SORCS2: variants seen among roughly 807,000 people sequenced by gnomAD.
SORCS2 encodes VPS10 domain-containing receptor SorCS2.
Under a neutral mutation model 141.6 loss-of-function variants are expected in SORCS2, and 100 were observed. The ratio of observed to expected loss-of-function variants is 0.71; its 90% CI spans 0.60 to 0.83. SORCS2 has a LOEUF of 0.83. Among genes scored for constraint, SORCS2 ranks in the 40% least tolerant of loss-of-function variants. The probability of loss-of-function intolerance (pLI) is 0.00; values close to 1 mark genes in which losing one functional copy is unlikely to be tolerated. For missense variants in SORCS2, 1,646 were observed against 1,560.2 expected (o/e 1.05, Z -0.93); for synonymous variants, 789 against 676.9 (o/e 1.17, Z -2.57).
Position 7,536,401 on chromosome 4 carries a change from T to C in SORCS2, c.648+4772T>C, listed in dbSNP as rs149616558. 1.5e-3 allele frequency among the ~76,000 whole-genome samples: 223 copies of C among 152,338 alleles called. 3 individuals carry two copies. The highest frequency in any genetic ancestry group is 4.6e-3 in the African/African-American group (191 of 41,572). ...AATGCATTTAGATGCTGAAAAGCCATAGTTACGATTCCACATAAAACAAAT... is the reference window on the plus strand; with the variant it reads ...AATGCATTTAGATGCTGAAAAGCCACAGTTACGATTCCACATAAAACAAAT... On this transcript the variant is annotated intron_variant, in intron 3 of 26. Transcript: ENST00000507866.
chr4:7,372,005 A>G (rs1722283686), intron 1 of SORCS2, among the ~76,000 whole-genome samples: 2 of 152,104 alleles, frequency 1.3e-5, no homozygotes. Flanking sequence ...CAGAGTGGAG[A>G]GGAAAGGACG....
intron 3 of SORCS2, among the ~76,000 whole-genome samples, chr4:7,595,684 G>A (rs558056380): frequency 6.6e-6 from 1 of 152,152 alleles, no homozygotes; most frequent in African/African-American, 2.4e-5. Flanking sequence ...CACAGGCCAG[G>A]GATGTCCTGT....
chr4:7,639,087 G>A (rs1201373972), intron 4 of SORCS2, among the ~76,000 whole-genome samples: 1 of 152,196 alleles, frequency 6.6e-6, no homozygotes, highest in Non-Finnish European at 1.5e-5. Context: ...TGGGTTCTGA[G>A]GCTGTGGAGG....
At chr4:7,360,571 C>T (rs866583038) in intron 1 of SORCS2, among the ~76,000 whole-genome samples, 21 of 49,274 alleles carry the variant, frequency 4.3e-4, no homozygotes, top group East Asian at 2.6e-3. Flanking sequence ...CCAGTCCCTT[C>T]TTTTTTTTTT....
At chr4:7,419,415 T>C (rs955977411) in intron 2 of SORCS2, among the ~76,000 whole-genome samples, 1 of 152,144 alleles carries the variant, frequency 6.6e-6, no homozygotes, top group Non-Finnish European at 1.5e-5. Flanking sequence ...GAGAGACACA[T>C]GGCCAGAACT....
At chr4:7,671,662 G>A (rs1722804720) in intron 8 of SORCS2, among the ~76,000 whole-genome samples, 1 of 152,134 alleles carries the variant, frequency 6.6e-6, no homozygotes. Flanking sequence ...ATATCAAGCT[G>A]AGGAGCAGAA....
At chr4:7,655,727 G>C (rs927832460) in intron 5 of SORCS2, among the ~76,000 whole-genome samples, 1 of 152,234 alleles carries the variant, frequency 6.6e-6, no homozygotes, top group African/African-American at 2.4e-5. Context: ...TCAGCAGCCA[G>C]AGCTGCCCTG....
chr4:7,231,891 T>C (rs1711916624), intron 1 of SORCS2, among the ~76,000 whole-genome samples: 1 of 152,004 alleles, frequency 6.6e-6, no homozygotes, highest in African/African-American at 2.4e-5. Context: ...AGACCCAGGC[T>C]CTCGGGGTGG....
intron 3 of SORCS2, among the ~76,000 whole-genome samples, chr4:7,575,046 C>T (rs1715657799): frequency 6.6e-6 from 1 of 152,200 alleles, no homozygotes; most frequent in African/African-American, 2.4e-5. Context: ...GCTATGAGGA[C>T]ACTTGGTGAA....
At chr4:7,715,654 G>T (rs1726142206) in intron 17 of SORCS2, among the ~76,000 whole-genome samples, 1 of 152,200 alleles carries the variant, frequency 6.6e-6, no homozygotes, top group African/African-American at 2.4e-5. Flanking sequence ...GGTGCCCATG[G>T]CTCACACCTG....
At chr4:7,391,199 C>A (rs1292784809) in intron 1 of SORCS2, among the ~76,000 whole-genome samples, 2 of 152,234 alleles carry the variant, frequency 1.3e-5, no homozygotes, top group African/African-American at 4.8e-5. Flanking sequence ...GTAAGGACAG[C>A]ATTGACCTCC....
In SORCS2 at chr4:7,663,502, A is replaced by G. The variant is rs1722312062; in HGVS notation, c.953-851A>G. On this transcript the variant is annotated intron_variant, in intron 6 of 26. Transcript: ENST00000507866. This position sits in a 1 kb window ranked among gnomAD's most constrained non-coding sequence, Gnocchi z 4.8. ...TTTCAAGGGAACATGGATGTGGCTCAGGAGGGCTTGGCAGTGGCCTGGTGC... is the reference window on the plus strand; with the variant it reads ...TTTCAAGGGAACATGGATGTGGCTCGGGAGGGCTTGGCAGTGGCCTGGTGC... Among the ~76,000 whole-genome samples the G allele has an allele frequency of 6.6e-6, 1 of 152,260 alleles. No homozygotes were observed. Among genetic ancestry groups the G allele is most frequent in the Non-Finnish European group, 1.5e-5 (1 of 68,042 alleles).
At chr4:7,380,544 A>G (rs886277895) in intron 1 of SORCS2, among the ~76,000 whole-genome samples, 27 of 152,198 alleles carry the variant, frequency 1.8e-4, no homozygotes, top group African/African-American at 6.0e-4. Context: ...GCTGGAGTAG[A>G]GCATCTGATG....
chr4:7,727,720 G>A (rs1461453454), intron 21 of SORCS2, among the ~76,000 whole-genome samples: 11 of 152,186 alleles, frequency 7.2e-5, no homozygotes, highest in Admixed American at 2.6e-4. Context: ...CCTTGAGCCC[G>A]TCAGCCCTGC....
intron 1 of SORCS2, among the ~76,000 whole-genome samples, chr4:7,239,491 C>A (rs1263696717): frequency 1.3e-5 from 2 of 152,206 alleles, no homozygotes; most frequent in Non-Finnish European, 2.9e-5. Context: ...TTTTTTGAAT[C>A]TTCCTGGTCC....
At chr4:7,462,398 G>C (rs1406845020) in intron 2 of SORCS2, among the ~76,000 whole-genome samples, 1 of 152,210 alleles carries the variant, frequency 6.6e-6, no homozygotes, top group African/African-American at 2.4e-5. Context: ...GGGAGGCTGG[G>C]AGTGGGACTA....
At chr4:7,604,287 A>G (rs534574958) in intron 3 of SORCS2, among the ~76,000 whole-genome samples, 2 of 152,132 alleles carry the variant, frequency 1.3e-5, no homozygotes, top group Non-Finnish European at 2.9e-5. Flanking sequence ...TGGTAGTGAG[A>G]GAGTTTCACA....
chr4:7,424,329 G>A (rs1726281809), intron 2 of SORCS2, among the ~76,000 whole-genome samples: 1 of 152,242 alleles, frequency 6.6e-6, no homozygotes, highest in African/African-American at 2.4e-5. Context: ...GCAGTGGCAG[G>A]CAGGAAGGAC....
At chr4:7,548,715 A>G (rs1019292188) in intron 3 of SORCS2, among the ~76,000 whole-genome samples, 2 of 152,080 alleles carry the variant, frequency 1.3e-5, no homozygotes, top group Admixed American at 6.5e-5. Context: ...GGGCACAGCA[A>G]CAGGAATGGT....
Sources: allele counts gnomAD v4.1 joint callset (sites outside exome capture counted in the v4.1 genomes callset), GRCh38; gene constraint gnomAD v4.1.1; non-coding constraint Gnocchi (gnomAD v3.1); transcripts MANE v1.5; gene names NCBI Gene and HGNC (gene_info 2026-07-23, HGNC 2026-07-21).